Variants in LRRC8B observed in about 807,000 individuals in gnomAD.
LRRC8B encodes the protein leucine rich repeat containing 8 VRAC subunit B, also known as volume-regulated anion channel subunit LRRC8B.
Under a neutral mutation model 58.8 loss-of-function variants are expected in LRRC8B, and 23 were observed. The ratio of observed to expected loss-of-function variants is 0.39; its 90% confidence interval spans 0.28 to 0.55. The LOEUF (loss-of-function observed/expected upper bound fraction) is 0.55, where lower values mean the gene tolerates loss of function less well. LRRC8B is among the 20% of genes least tolerant of loss of function. The pLI is 0.62. For missense variants in LRRC8B, 694 were observed against 936.0 expected, an observed-to-expected ratio of 0.74 and a Z score of 3.37; for synonymous variants, 359 against 374.1, an observed-to-expected ratio of 0.96 and a Z score of 0.47.
intron 1 of LRRC8B, among the ~76,000 whole-genome samples, chr1:89,557,847 A>G (rs1652307335): frequency 6.6e-6 from 1 of 152,194 alleles, no homozygotes. Context: ...ATACTTACCT[A>G]AAACAGCTCT....
chr1:89,577,839 A>G (rs1451738620), intron 3 of LRRC8B, among the ~76,000 whole-genome samples: 1 of 152,230 alleles, frequency 6.6e-6, no homozygotes, highest in Non-Finnish European at 1.5e-5. Flanking sequence ...TAATGCAGTT[A>G]TAACCCAGTT....
intron 1 of LRRC8B, among the ~76,000 whole-genome samples, chr1:89,529,643 C>T (rs1478794103): frequency 6.6e-6 from 1 of 152,114 alleles, no homozygotes; most frequent in Non-Finnish European, 1.5e-5. Context: ...AAAATCAGTA[C>T]TTATTCTATT....
At chr1:89,590,635 G>A (rs1269479947) in intron 5 of LRRC8B, among the ~76,000 whole-genome samples, 1 of 152,254 alleles carries the variant, frequency 6.6e-6, no homozygotes, top group African/African-American at 2.4e-5. Flanking sequence ...TGGTGGGAAT[G>A]TGGTAGTGCT....
chr1:89,594,415 C>G lies in LRRC8B; in HGVS notation c.*1372C>G, dbSNP rs1349981525. 2.0e-5 allele frequency: 3 copies of G among 152,242 alleles called. No individual in the cohort carries two copies. The highest frequency in any genetic ancestry group is 3.4e-3 in the Middle Eastern group (1 of 294). 9.4% of individuals were successfully genotyped at this position (152,242 alleles called of 1,614,324 possible). A position where few individuals can be genotyped will look rare whatever the true frequency, so the allele number is the denominator to read the frequency against. The stretch of plus-strand genomic sequence containing the variant: ...GCTGTGCAATCGTACGGGTAAAATT[C>G]TTAATTACTTACAAAAACTGTGATA... On this transcript the variant is annotated 3_prime_UTR_variant, in exon 6 of 6. Transcript: ENST00000330947.
At chr1:89,581,991 C>G (rs999219792) in intron 4 of LRRC8B, among the ~76,000 whole-genome samples, 3 of 152,130 alleles carry the variant, frequency 2.0e-5, no homozygotes, top group Non-Finnish European at 4.4e-5. Flanking sequence ...AAAAGAGGCT[C>G]CTTGTGGTGA....
intron 3 of LRRC8B, among the ~76,000 whole-genome samples, chr1:89,578,566 A>T (rs1009939205): frequency 1.3e-5 from 2 of 152,240 alleles, no homozygotes; most frequent in African/African-American, 4.8e-5. Flanking sequence ...GGCTTTGCAC[A>T]TGACTTGGTA....
intron 5 of LRRC8B, chr1:89,587,926 C>G (rs1056573186): frequency 6.6e-5 from 10 of 152,262 alleles, no homozygotes; most frequent in African/African-American, 2.4e-4. Flanking sequence ...TGCTTCTGTT[C>G]TTGAAAACTT....
rs1384959718 is a variant in LRRC8B, at chr1:89,597,531, A to G, written c.*4488A>G. 1.3e-5 allele frequency: 2 copies of G among 152,240 alleles called. No individual in the cohort carries two copies. The highest frequency in any genetic ancestry group is 2.9e-5 in the Non-Finnish European group (2 of 68,042). The allele number at this position is 152,240 out of a possible 1,614,324, so 9.4% of individuals were successfully genotyped here. A position where few individuals can be genotyped will look rare whatever the true frequency, so the allele number is the denominator to read the frequency against. Reference sequence around the variant, plus strand: ...AGAAGATTTTTTTTAAATTCTTCAAATACTTCACTTAGTGAAATAATGGGC... The same window carrying G: ...AGAAGATTTTTTTTAAATTCTTCAAGTACTTCACTTAGTGAAATAATGGGC... On this transcript the variant is annotated 3_prime_UTR_variant, in exon 6 of 6. Transcript: ENST00000330947.
rs1229188674 is a variant in LRRC8B at position 89,558,460 on chromosome 1, A to G, written c.-240-9787A>G. Among the ~76,000 whole-genome samples, 3 of 152,166 alleles carry G rather than the reference A, an allele frequency of 2.0e-5. No homozygotes were observed. The South Asian group carries it at 6.2e-4, about 31-fold the overall frequency. On this transcript the variant is annotated intron_variant, in intron 1 of 5. Transcript: ENST00000330947. ...TTAGAAAGAGCTCTCTGACTGCAGTATGGAAATGGGACTAAGGAGGGCAAG... is the reference window on the plus strand; with the variant it reads ...TTAGAAAGAGCTCTCTGACTGCAGTGTGGAAATGGGACTAAGGAGGGCAAG...
chr1:89,576,476 A>G (rs1013473343), intron 3 of LRRC8B, among the ~76,000 whole-genome samples: 1 of 152,176 alleles, frequency 6.6e-6, no homozygotes, highest in Non-Finnish European at 1.5e-5. Flanking sequence ...AAGTGCCCCA[A>G]GAGGTTCTAA....
chr1:89,529,842 C>T (rs930361088), intron 1 of LRRC8B, among the ~76,000 whole-genome samples: 2 of 151,932 alleles, frequency 1.3e-5, no homozygotes, highest in African/African-American at 2.4e-5. Context: ...AACCTTACCA[C>T]CATTTAATTT....
intron 1 of LRRC8B, among the ~76,000 whole-genome samples, chr1:89,543,310 G>A (rs965403711): frequency 5.3e-5 from 8 of 152,162 alleles, no homozygotes; most frequent in South Asian, 2.1e-4. Flanking sequence ...AATACTCAAA[G>A]TATTCAAAGT....
Position 89,582,900 on chromosome 1 carries a change from G to A in LRRC8B, c.250G>A (p.Gly84Arg), listed in dbSNP as rs1490997772. The change falls in exon 5 of 6, where the codon GGG becomes AGG. Residue 84 changes from glycine (G) to arginine (R), a missense_variant. Physicochemically the swap from Gly to Arg is moderately radical, Grantham distance 125 (BLOSUM62 -2). Coordinates refer to ENST00000330947, the MANE Select transcript of LRRC8B (RefSeq NM_001369817.2). Reference protein sequence around the residue: ...KASMNTSSNPGTPLPLPLRIQ... With the variant: ...KASMNTSSNPRTPLPLPLRIQ... ...CAGCATGAACACATCCTCTAATCCT[G>A]GGACACCGCTTCCGCTCCCCCTCCG... The A allele has an allele frequency of 1.1e-5, 17 of 1,613,966 alleles. No individual in the cohort carries two copies. Among genetic ancestry groups the A allele is most frequent in the Non-Finnish European group, 1.4e-5 (16 of 1,180,020 alleles).
chr1:89,531,001 A>T (rs1650093369), intron 1 of LRRC8B, among the ~76,000 whole-genome samples: 1 of 152,138 alleles, frequency 6.6e-6, no homozygotes, highest in African/African-American at 2.4e-5. Flanking sequence ...TTTTCCATGT[A>T]TTGTGGTATG....
chr1:89,538,391 G>A (rs767552101), intron 1 of LRRC8B, among the ~76,000 whole-genome samples: 1 of 152,204 alleles, frequency 6.6e-6, no homozygotes. Context: ...GTCTGAACCA[G>A]TAGACAGGAG....
intron 1 of LRRC8B, among the ~76,000 whole-genome samples, chr1:89,535,505 G>C (rs921782478): frequency 1.6e-4 from 24 of 152,260 alleles, no homozygotes; most frequent in African/African-American, 5.8e-4. Flanking sequence ...GACAAGCAGC[G>C]AAGAGCAAGA....
At chr1:89,591,729 C>A (rs1342352081) in intron 5 of LRRC8B, among the ~76,000 whole-genome samples, 1 of 152,162 alleles carries the variant, frequency 6.6e-6, no homozygotes, top group East Asian at 1.9e-4. Context: ...TGTCTCCCAG[C>A]CGGTCTGCAT....
At chr1:89,554,161 C>A (rs960211070) in intron 1 of LRRC8B, among the ~76,000 whole-genome samples, 4 of 152,156 alleles carry the variant, frequency 2.6e-5, no homozygotes, top group African/African-American at 9.7e-5. Context: ...TTAGCCCCAT[C>A]ATTTCTGTCT....
chr1:89,585,797 G>A (rs987490279), intron 5 of LRRC8B, among the ~76,000 whole-genome samples: 11 of 151,714 alleles, frequency 7.3e-5, no homozygotes, highest in Admixed American at 6.6e-5. Flanking sequence ...GTAACAGAGC[G>A]AGACTCTGTC....
Sources: allele counts gnomAD v4.1 joint callset (sites outside exome capture counted in the v4.1 genomes callset), GRCh38; gene constraint gnomAD v4.1.1; transcripts MANE v1.5; gene names NCBI Gene and HGNC (gene_info 2026-07-23, HGNC 2026-07-21).